MAML2: variants seen among roughly 807,000 people sequenced by gnomAD.
MAML2 encodes mastermind-like protein 2.
Under a neutral mutation model 96.1 loss-of-function variants are expected in MAML2, and 22 were observed. The observed-to-expected ratio is 0.23, with a 90% CI of 0.16 to 0.33. MAML2 has a LOEUF of 0.33. Ranked by LOEUF, MAML2 falls within the 10% of genes least tolerant of loss-of-function variation. The pLI is 1.00. For synonymous variants in MAML2, 561 were observed against 521.3 expected, an observed-to-expected ratio of 1.08 and a Z score of -1.04; for missense variants, 1,367 against 1,392.4, an observed-to-expected ratio of 0.98 and a Z score of 0.29.
chr11:96,297,802 C>A (rs376454143), intron 1 of MAML2, among the ~76,000 whole-genome samples: 1 of 152,042 alleles, frequency 6.6e-6, no homozygotes, highest in African/African-American at 2.4e-5. Context: ...AAGCAAATCC[C>A]GGCCATAATT....
intron 1 of MAML2, among the ~76,000 whole-genome samples, chr11:96,296,429 G>T (rs554204904): frequency 2.6e-5 from 4 of 152,298 alleles, no homozygotes; most frequent in African/African-American, 7.2e-5. Flanking sequence ...CGGATCCGAG[G>T]CTAGGAGTTC....
At chr11:96,317,671 G>A (rs1273897832) in intron 1 of MAML2, among the ~76,000 whole-genome samples, 3 of 152,214 alleles carry the variant, frequency 2.0e-5, no homozygotes, top group Admixed American at 1.3e-4. Flanking sequence ...AGGCTGCCCA[G>A]CTTTGGAAAG....
chr11:95,997,064 G>T (rs548681011), intron 2 of MAML2, among the ~76,000 whole-genome samples: 1 of 152,112 alleles, frequency 6.6e-6, no homozygotes, highest in Non-Finnish European at 1.5e-5. Flanking sequence ...TAGACAAACC[G>T]TAGTTAAAGA....
chr11:96,179,045 T>C (rs1565239364), intron 1 of MAML2, among the ~76,000 whole-genome samples: 1 of 152,226 alleles, frequency 6.6e-6, no homozygotes, highest in South Asian at 2.1e-4. Flanking sequence ...AGGGTTCATC[T>C]GCTTTTGTCT....
chr11:96,042,903 C>T (rs901514531), intron 2 of MAML2, among the ~76,000 whole-genome samples: 4 of 152,060 alleles, frequency 2.6e-5, no homozygotes, highest in Admixed American at 1.3e-4. Flanking sequence ...TACCACCACA[C>T]CCGGCTAATT....
chr11:96,288,021 T>A (rs532703142), intron 1 of MAML2, among the ~76,000 whole-genome samples: 2 of 152,298 alleles, frequency 1.3e-5, no homozygotes, highest in Admixed American at 1.3e-4. Flanking sequence ...CTGATACACT[T>A]TCACCATGTC....
chr11:96,095,429 C>T (rs1158261781), intron 1 of MAML2, among the ~76,000 whole-genome samples: 1 of 152,172 alleles, frequency 6.6e-6, no homozygotes, highest in Non-Finnish European at 1.5e-5. Flanking sequence ...AACCTTATAT[C>T]ATTGCTGATT....
At chr11:96,153,712 C>A (rs1860963962) in intron 1 of MAML2, among the ~76,000 whole-genome samples, 2 of 151,792 alleles carry the variant, frequency 1.3e-5, no homozygotes. Flanking sequence ...GAGTTCAAGA[C>A]CAGCCTGACC....
At chr11:96,183,462 A>G (rs1174135117) in intron 1 of MAML2, among the ~76,000 whole-genome samples, 1 of 139,956 alleles carries the variant, frequency 7.1e-6, no homozygotes, top group Non-Finnish European at 1.5e-5. Flanking sequence ...CAGTGGCACA[A>G]TCACAGCTCA....
intron 2 of MAML2, among the ~76,000 whole-genome samples, chr11:96,017,793 G>T (rs1019096288): frequency 6.6e-6 from 1 of 152,158 alleles, no homozygotes; most frequent in Non-Finnish European, 1.5e-5. Context: ...AGGCCACTGT[G>T]CTGCTGTGCA....
intron 1 of MAML2, among the ~76,000 whole-genome samples, chr11:96,128,130 A>T (rs1860482069): frequency 6.6e-6 from 1 of 152,120 alleles, no homozygotes; most frequent in Non-Finnish European, 1.5e-5. Context: ...GCAGTGGCTC[A>T]CGTCTGTAAT....
intron 2 of MAML2, among the ~76,000 whole-genome samples, chr11:96,000,285 G>T (rs1257814307): frequency 1.3e-5 from 2 of 152,142 alleles, no homozygotes; most frequent in African/African-American, 4.8e-5. Flanking sequence ...TATTTCAAGG[G>T]TCAGCAAACT....
At chr11:95,992,854 T>C (rs1857933818) in intron 2 of MAML2, among the ~76,000 whole-genome samples, 1 of 151,662 alleles carries the variant, frequency 6.6e-6, no homozygotes. Flanking sequence ...AAACACTGAA[T>C]ACATGGGAAC....
rs75357245 is a variant in MAML2, at chr11:96,089,425, G to C, written c.2139+2467C>G. Among the ~76,000 whole-genome samples the C allele has an allele frequency of 5.0e-3, 768 of 152,264 alleles. 2 individuals are homozygous for C. The highest frequency in any genetic ancestry group is 8.8e-3 in the Non-Finnish European group (598 of 68,028). On this transcript the variant is annotated intron_variant, in intron 2 of 4. Transcript: ENST00000524717. ...TGCAATGCAGCCTTGTCACATCATAGTTACCCCTTGGTTTTGACCCAAAGC... is the reference window on the plus strand; with the variant it reads ...TGCAATGCAGCCTTGTCACATCATACTTACCCCTTGGTTTTGACCCAAAGC...
chr11:96,281,278 C>T (rs185201035), intron 1 of MAML2, among the ~76,000 whole-genome samples: 58 of 152,270 alleles, frequency 3.8e-4, no homozygotes, highest in Non-Finnish European at 7.6e-4. Flanking sequence ...CAGAGAATAG[C>T]CACTGATGGA....
intron 1 of MAML2, among the ~76,000 whole-genome samples, chr11:96,187,506 G>A (rs945819428): frequency 6.6e-6 from 1 of 152,200 alleles, no homozygotes; most frequent in Non-Finnish European, 1.5e-5. Context: ...TTTATCCAAA[G>A]TGAGTAAGAA....
At chr11:96,283,001 G>C (rs1301817802) in intron 1 of MAML2, among the ~76,000 whole-genome samples, 2 of 152,180 alleles carry the variant, frequency 1.3e-5, no homozygotes, top group Non-Finnish European at 2.9e-5. Context: ...ATAGAAACAA[G>C]TGAGATAGTT....
At chr11:96,031,840 G>A (rs1226487203) in intron 2 of MAML2, among the ~76,000 whole-genome samples, 2 of 152,032 alleles carry the variant, frequency 1.3e-5, no homozygotes, top group Admixed American at 6.6e-5. Flanking sequence ...AAAAAAATTA[G>A]CTGGGCATGG....
intron 2 of MAML2, among the ~76,000 whole-genome samples, chr11:96,001,981 A>G (rs1161890267): frequency 6.6e-6 from 1 of 152,116 alleles, no homozygotes; most frequent in Non-Finnish European, 1.5e-5. Context: ...GCCTTTTCCT[A>G]CCAGGTGAAC....
Sources: allele counts gnomAD v4.1 joint callset (sites outside exome capture counted in the v4.1 genomes callset), GRCh38; gene constraint gnomAD v4.1.1; transcripts MANE v1.5; gene names NCBI Gene and HGNC (gene_info 2026-07-23, HGNC 2026-07-21).